TRIM2: variants seen among roughly 807,000 people sequenced by gnomAD.
TRIM2 encodes tripartite motif-containing protein 2.
Under a neutral mutation model 75.2 loss-of-function variants are expected in TRIM2, and 20 were observed. That is an observed-to-expected ratio of 0.27 (90% CI 0.19 to 0.39). TRIM2 has a LOEUF of 0.39. TRIM2 is among the 10% of genes least tolerant of loss of function. The pLI is 1.00. For synonymous variants in TRIM2, 373 were observed against 388.3 expected, an observed-to-expected ratio of 0.96 and a Z score of 0.46; for missense variants, 660 against 990.8, an observed-to-expected ratio of 0.67 and a Z score of 4.48.
chr4:153,238,794 G>A (rs1745685452), intron 1 of TRIM2, among the ~76,000 whole-genome samples: 1 of 152,188 alleles, frequency 6.6e-6, no homozygotes, highest in Non-Finnish European at 1.5e-5. Flanking sequence ...ACTTGAAGAG[G>A]TTTGGATGCT....
At chr4:153,312,530 T>A (rs981840773) in intron 6 of TRIM2, among the ~76,000 whole-genome samples, 3 of 152,016 alleles carry the variant, frequency 2.0e-5, no homozygotes, top group African/African-American at 7.3e-5. Flanking sequence ...CCAGTTAGAA[T>A]GGCGATCATT....
In TRIM2 at chr4:153,337,145, A is replaced by T. The variant is rs1332109623; in HGVS notation, c.*2179A>T. On this transcript the variant is annotated 3_prime_UTR_variant, in exon 12 of 12. Transcript: ENST00000338700. ...AAAGACAGGCTAGACTCTTGTCTAG[A>T]TTGTTTAAAAGAAACTTTTCAAATT... The T allele has an allele frequency of 4.1e-5, 40 of 985,320 alleles. No homozygotes were observed. The highest frequency in any genetic ancestry group is 4.8e-5 in the Non-Finnish European group (40 of 829,928). 61.0% of individuals were successfully genotyped at this position (985,320 alleles called of 1,614,324 possible).
At chr4:153,326,723 G>A (rs554097565) in intron 10 of TRIM2, among the ~76,000 whole-genome samples, 1 of 152,366 alleles carries the variant, frequency 6.6e-6, no homozygotes, top group Non-Finnish European at 1.5e-5. Context: ...GCTCACGCCT[G>A]TAATCCCAGC....
intron 1 of TRIM2, among the ~76,000 whole-genome samples, chr4:153,237,192 A>G (rs1745254366): frequency 6.6e-6 from 1 of 152,174 alleles, no homozygotes; most frequent in Non-Finnish European, 1.5e-5. Flanking sequence ...ACTCTTAAAT[A>G]TATTTCTTCT....
In TRIM2 at chr4:153,296,002, G is replaced by T. The variant is rs745490009; in HGVS notation, c.1476G>T (p.Glu492Asp). 6.6e-7 allele frequency: 1 copy of T among 1,525,580 alleles called. No individual in the cohort carries two copies. The highest frequency in any genetic ancestry group is 8.8e-7 in the Non-Finnish European group (1 of 1,139,236). The allele number at this position is 1,525,580 out of a possible 1,614,324, so 94.5% of individuals were successfully genotyped here. ...TGTACAGCACTGGAAAACGAAAAGA[G>T]AATCCCATCGAAGACGATTTGATCT... Reference protein sequence around the residue: ...ASMYSTGKRKENPIEDDLIFR... With the variant: ...ASMYSTGKRKDNPIEDDLIFR... The change falls in exon 6 of 12, where the codon GAG becomes GAT. Residue 492 changes from glutamate (E) to aspartate (D), a missense_variant. By Grantham distance (45) the Glu-to-Asp change is conservative (BLOSUM62 2). Transcript: ENST00000338700.
At chr4:153,298,794 C>T (rs746291922) in intron 6 of TRIM2, among the ~76,000 whole-genome samples, 8 of 152,122 alleles carry the variant, frequency 5.3e-5, no homozygotes, top group South Asian at 2.1e-4. Flanking sequence ...AGTACAGTAG[C>T]GTGATCATGG....
chr4:153,153,315 T>C (rs1201031810), intron 1 of TRIM2: 1 of 152,232 alleles, frequency 6.6e-6, no homozygotes, highest in Non-Finnish European at 1.5e-5. Context: ...GGCTAGGCGC[T>C]TAAAGCTTCC....
chr4:153,260,163 C>A (rs933861490), intron 1 of TRIM2, among the ~76,000 whole-genome samples: 1 of 152,138 alleles, frequency 6.6e-6, no homozygotes, highest in Non-Finnish European at 1.5e-5. Context: ...TTTCTTCCAA[C>A]CCCTAGAATT....
At chr4:153,246,939 G>A (rs1206232598) in intron 1 of TRIM2, among the ~76,000 whole-genome samples, 4 of 152,200 alleles carry the variant, frequency 2.6e-5, no homozygotes, top group Non-Finnish European at 4.4e-5. Flanking sequence ...AACCTTGAGA[G>A]GCGCATCAAT....
intron 1 of TRIM2, among the ~76,000 whole-genome samples, chr4:153,244,221 TCTC>T (rs1308566990): frequency 2.3e-5 from 3 of 129,752 alleles, no homozygotes; most frequent in Admixed American, 7.7e-5. Context: ...TCCTTCCTCT[TCTC>T]CTCCTTCTTC....
At position 153,337,789 on chromosome 4, in the gene TRIM2, A is replaced by G. The variant is rs1480230811; in HGVS notation, c.*2823A>G. On this transcript the variant is annotated 3_prime_UTR_variant, in exon 12 of 12. Transcript: ENST00000338700. The stretch of plus-strand genomic sequence containing the variant: ...GTATAGAACCTGTCATACATTCATG[A>G]TAAGTAGCACTGAAAAATTACTCAT... 14 of 985,722 alleles carry G rather than the reference A, an allele frequency of 1.4e-5. No homozygotes were observed. The highest frequency in any genetic ancestry group is 1.7e-5 in the Non-Finnish European group (14 of 829,948). 61.1% of individuals were successfully genotyped at this position (985,722 alleles called of 1,614,324 possible). A position where few individuals can be genotyped will look rare whatever the true frequency, so the allele number is the denominator to read the frequency against.
At chr4:153,176,157 A>C (rs1240362794) in intron 1 of TRIM2, among the ~76,000 whole-genome samples, 1 of 152,138 alleles carries the variant, frequency 6.6e-6, no homozygotes, top group African/African-American at 2.4e-5. Flanking sequence ...AAAGATATTA[A>C]GAATGATAAA....
At chr4:153,244,600 G>T (rs1271569099) in intron 1 of TRIM2, among the ~76,000 whole-genome samples, 2 of 151,400 alleles carry the variant, frequency 1.3e-5, no homozygotes, top group Non-Finnish European at 2.9e-5. Flanking sequence ...TTTGATTCTT[G>T]GAATGGATTT....
intron 8 of TRIM2, among the ~76,000 whole-genome samples, chr4:153,316,942 G>A (rs1008217268): frequency 6.1e-5 from 8 of 130,352 alleles, no homozygotes; most frequent in East Asian, 5.0e-4. Context: ...GTGCAGTGGC[G>A]CGATCTCAGC....
intron 1 of TRIM2, among the ~76,000 whole-genome samples, chr4:153,180,833 C>A (rs553163016): frequency 6.6e-6 from 1 of 152,244 alleles, no homozygotes; most frequent in Non-Finnish European, 1.5e-5. Flanking sequence ...CCTCTGCCAA[C>A]TCCTGTGGGC....
chr4:153,155,611 C>T (rs1248598756), intron 1 of TRIM2, among the ~76,000 whole-genome samples: 2 of 151,930 alleles, frequency 1.3e-5, no homozygotes, highest in Non-Finnish European at 2.9e-5. Flanking sequence ...TACAAAATGG[C>T]GAAAAAGTAA....
At chr4:153,234,860 A>G (rs779570363) in intron 1 of TRIM2, among the ~76,000 whole-genome samples, 5 of 152,296 alleles carry the variant, frequency 3.3e-5, no homozygotes, top group Non-Finnish European at 5.9e-5. Context: ...GTTGTTCTAC[A>G]TGCATCTCCA....
intron 1 of TRIM2, among the ~76,000 whole-genome samples, chr4:153,218,047 C>T (rs1738958699): frequency 6.6e-6 from 1 of 152,142 alleles, no homozygotes; most frequent in South Asian, 2.1e-4. Flanking sequence ...TAATTTCATG[C>T]ATTGCTAATG....
chr4:153,189,128 G>A (rs1332643901), intron 1 of TRIM2, among the ~76,000 whole-genome samples: 1 of 152,186 alleles, frequency 6.6e-6, no homozygotes, highest in Non-Finnish European at 1.5e-5. Context: ...TATAATCACA[G>A]GCATGAGTCA....
Sources: gnomAD v4.1 joint callset for allele counts (sites outside exome capture counted in the v4.1 genomes callset) on GRCh38, gnomAD v4.1.1 for gene constraint, MANE v1.5 for transcripts, NCBI Gene and HGNC (gene_info 2026-07-23, HGNC 2026-07-21) for gene names.